Variants in KIF16B observed in about 807,000 individuals in gnomAD.
KIF16B encodes the protein kinesin-like protein KIF16B.
A neutral mutation model predicts 156.3 loss-of-function variants in KIF16B; 98 were observed. The ratio of observed to expected loss-of-function variants is 0.63; its 90% CI spans 0.53 to 0.74. The LOEUF (loss-of-function observed/expected upper bound fraction) is 0.74, where lower values mean the gene tolerates loss of function less well. KIF16B is among the 30% of genes least tolerant of loss of function. KIF16B has a pLI of 0.00. For missense variants in KIF16B, 1,421 were observed against 1,606.5 expected (o/e 0.88, Z 1.97); for synonymous variants, 564 against 583.7 (o/e 0.97, Z 0.49).
At chr20:16,290,353 C>A (rs189773340) in intron 25 of KIF16B, among the ~76,000 whole-genome samples, 6 of 152,330 alleles carry the variant, frequency 3.9e-5, no homozygotes, top group Admixed American at 3.3e-4. Flanking sequence ...CTATCGTGTG[C>A]CTCTGCAGCT....
At chr20:16,559,134 C>T (rs887888403) in intron 1 of KIF16B, among the ~76,000 whole-genome samples, 7 of 151,866 alleles carry the variant, frequency 4.6e-5, no homozygotes, top group Non-Finnish European at 1.0e-4. Flanking sequence ...TGCCTAAAAC[C>T]AATACTTGCC....
chr20:16,291,622 C>T (rs2063316292), intron 25 of KIF16B, among the ~76,000 whole-genome samples: 1 of 152,164 alleles, frequency 6.6e-6, no homozygotes, highest in Non-Finnish European at 1.5e-5. Context: ...CTGAAGGAAG[C>T]TATGTGGCCA....
In KIF16B at chr20:16,522,192, C is replaced by T. The variant is rs139290253; in HGVS notation, c.231+3900G>A. On this transcript the variant is annotated intron_variant, in intron 3 of 25. Transcript: ENST00000354981. Reference sequence around the variant, plus strand: ...TAACAATATTAACCTTAAGTATAAACGGGCTAAATGCCCCAATTAAAAGAC... The same window carrying T: ...TAACAATATTAACCTTAAGTATAAATGGGCTAAATGCCCCAATTAAAAGAC... 7.6e-4 allele frequency among the ~76,000 whole-genome samples: 116 copies of T among 152,196 alleles called. 1 individual carries two copies. Among genetic ancestry groups the T allele is most frequent in the African/African-American group, 2.6e-3 (109 of 41,542 alleles).
intron 12 of KIF16B, among the ~76,000 whole-genome samples, chr20:16,436,101 C>T (rs1439597612): frequency 1.3e-5 from 2 of 151,986 alleles, no homozygotes; most frequent in African/African-American, 4.8e-5. Context: ...TATGCAGCCA[C>T]CCATAGCTAT....
intron 12 of KIF16B, among the ~76,000 whole-genome samples, chr20:16,485,809 T>C (rs1188869001): frequency 8.5e-5 from 13 of 152,206 alleles, no homozygotes; most frequent in Admixed American, 8.5e-4. Flanking sequence ...TCAAAGTGCT[T>C]TAAGTGTATG....
intron 1 of KIF16B, among the ~76,000 whole-genome samples, chr20:16,530,818 T>C (rs900615732): frequency 5.3e-5 from 8 of 152,136 alleles, no homozygotes; most frequent in Middle Eastern, 3.4e-3. Flanking sequence ...TATCCTGCCA[T>C]AGCCTCCCAA....
At position 16,428,764 on chromosome 20, in the gene KIF16B, A is replaced by G. The variant is rs371595544; in HGVS notation, c.1474+189T>C. Among the ~76,000 whole-genome samples the G allele has an allele frequency of 5.4e-4, 82 of 152,264 alleles. 2 individuals carry two copies. In the South Asian group the frequency reaches 0.017, roughly 32 times the overall value. ...CCAAATTAGTTGTTCTGCATTATTC[A>G]TTTGAGTTGTATTCTAAATTACAAA... On this transcript the variant is annotated intron_variant, in intron 14 of 25. Coordinates refer to ENST00000354981, the MANE Select transcript of KIF16B (RefSeq NM_024704.5).
At chr20:16,350,634 T>C (rs191090378) in intron 23 of KIF16B, among the ~76,000 whole-genome samples, 16 of 149,762 alleles carry the variant, frequency 1.1e-4, no homozygotes, top group Middle Eastern at 3.4e-3. Context: ...CCTGCATGAC[T>C]AAGAGCCACC....
Position 16,512,811 on chromosome 20 carries a change from G to A in KIF16B, c.446+15C>T. ...AATCAAGCTCACACACAGTTACCCA[G>A]GCCACAGGCCCTACCTGACTTCAGT... is the stretch of plus-strand genomic sequence containing the variant. On this transcript the variant is annotated intron_variant, in intron 5 of 25. Transcript: ENST00000354981. 1 of 1,588,306 alleles carries A rather than the reference G, an allele frequency of 6.3e-7. No individual in the cohort carries two copies. The highest frequency in any genetic ancestry group is 1.3e-5 in the African/African-American group (1 of 74,544).
intron 1 of KIF16B, among the ~76,000 whole-genome samples, chr20:16,540,414 A>G (rs996677724): frequency 2.6e-5 from 4 of 152,224 alleles, no homozygotes; most frequent in African/African-American, 9.6e-5. Flanking sequence ...TAGTTAATTA[A>G]AAGACAAAAA....
At chr20:16,412,266 T>C (rs1312515988) in intron 15 of KIF16B, among the ~76,000 whole-genome samples, 1 of 151,440 alleles carries the variant, frequency 6.6e-6, no homozygotes, top group Non-Finnish European at 1.5e-5. Context: ...AGGTCACAAG[T>C]GGTGTTAGTG....
At chr20:16,380,187 T>C (rs2065061677) in intron 18 of KIF16B, 24 bp from the exon 19 acceptor site, 3 of 1,477,520 alleles carry the variant, frequency 2.0e-6, no homozygotes, top group African/African-American at 1.4e-5. Context: ...CACTGACTGG[T>C]TGTTATCTGG....
At chr20:16,570,679 C>G (rs1332065980) in intron 1 of KIF16B, among the ~76,000 whole-genome samples, 1 of 152,206 alleles carries the variant, frequency 6.6e-6, no homozygotes, top group Non-Finnish European at 1.5e-5. Flanking sequence ...CTAGCCTTGT[C>G]TTCAAGACCA....
intron 25 of KIF16B, among the ~76,000 whole-genome samples, chr20:16,276,748 A>G (rs1192977051): frequency 6.6e-6 from 1 of 152,190 alleles, no homozygotes; most frequent in African/African-American, 2.4e-5. Flanking sequence ...AGAATTCTAG[A>G]AAGTTCTTAA....
chr20:16,402,550 T>A (rs576741334), intron 17 of KIF16B, among the ~76,000 whole-genome samples: 3 of 152,146 alleles, frequency 2.0e-5, no homozygotes, highest in South Asian at 4.1e-4. Context: ...AAGTCAGGAA[T>A]AGCATCCACA....
chr20:16,326,175 A>T (rs1348814397), intron 24 of KIF16B, among the ~76,000 whole-genome samples: 3 of 152,154 alleles, frequency 2.0e-5, no homozygotes, highest in Non-Finnish European at 4.4e-5. Flanking sequence ...CTTAAATAGA[A>T]GACCTGAAAC....
At chr20:16,471,452 G>A (rs2067660426) in intron 12 of KIF16B, among the ~76,000 whole-genome samples, 1 of 152,104 alleles carries the variant, frequency 6.6e-6, no homozygotes. Flanking sequence ...ATGACATGAT[G>A]GTAATACGTG....
chr20:16,469,743 T>C (rs2067605207), intron 12 of KIF16B, among the ~76,000 whole-genome samples: 1 of 152,100 alleles, frequency 6.6e-6, no homozygotes, highest in Non-Finnish European at 1.5e-5. Context: ...AGTGGCACAG[T>C]CACTTTGCAA....
intron 12 of KIF16B, among the ~76,000 whole-genome samples, chr20:16,485,500 C>T (rs2068088419): frequency 6.6e-6 from 1 of 152,178 alleles, no homozygotes. Flanking sequence ...AATGTTTTCC[C>T]TGACCTAAAG....
Sources: gnomAD v4.1 joint callset for allele counts (sites outside exome capture counted in the v4.1 genomes callset) on GRCh38, gnomAD v4.1.1 for gene constraint, MANE v1.5 for transcripts, NCBI Gene and HGNC (gene_info 2026-07-23, HGNC 2026-07-21) for gene names.